Variants in OLFML2A observed in about 807,000 individuals in gnomAD.
The protein encoded by OLFML2A is olfactomedin-like protein 2A.
OLFML2A carries 47 observed loss-of-function variants against 60.9 expected under a neutral mutation model. That is an observed-to-expected ratio of 0.77 (90% CI 0.61 to 0.98). The LOEUF (loss-of-function observed/expected upper bound fraction) is 0.98. Among genes scored for constraint, OLFML2A ranks in the 50% least tolerant of loss-of-function variants. The pLI is 0.00. For missense variants in OLFML2A, 922 were observed against 879.8 expected, an observed-to-expected ratio of 1.05 and a Z score of -0.61; for synonymous variants, 372 against 375.0, an observed-to-expected ratio of 0.99 and a Z score of 0.09.
intron 4 of OLFML2A, among the ~76,000 whole-genome samples, chr9:124,799,709 G>A (rs932775644): frequency 1.3e-5 from 2 of 152,196 alleles, no homozygotes; most frequent in Non-Finnish European, 2.9e-5. Context: ...TAGGCCTGGG[G>A]ATCCTGCCAA....
In OLFML2A at chr9:124,804,308, C is replaced by G. The variant is rs75414524; in HGVS notation, c.1134C>G (p.Thr378=). 3.3e-5 allele frequency: 51 copies of G among 1,554,144 alleles called. No homozygotes were observed. Among genetic ancestry groups the G allele is most frequent in the East Asian group, 2.2e-4 (9 of 41,276 alleles). Reference sequence around the variant, plus strand: ...CCCCCACCACCAGTCTCCTGCCCACCGAGCCACCTTCAGGTCCAGAAGTCT... The same window carrying G: ...CCCCCACCACCAGTCTCCTGCCCACGGAGCCACCTTCAGGTCCAGAAGTCT... ...TPTPTTSLLP[T]EPPSGPEVSS... is the part of the protein sequence containing the mutation. The change falls in exon 6 of 8, where the codon ACC becomes ACG. Residue 378 remains threonine, a synonymous_variant. Coordinates refer to ENST00000373580, the MANE Select transcript of OLFML2A (RefSeq NM_182487.4).
intron 2 of OLFML2A, among the ~76,000 whole-genome samples, chr9:124,792,034 C>T (rs1841578696): frequency 6.6e-6 from 1 of 152,196 alleles, no homozygotes; most frequent in South Asian, 2.1e-4. Context: ...CATGTCCTTT[C>T]CTGGGCATCT....
chr9:124,807,292 C>CGCTTTTT (rs1554757483), intron 6 of OLFML2A, among the ~76,000 whole-genome samples: 1 of 86,512 alleles, frequency 1.2e-5, no homozygotes, highest in Non-Finnish European at 2.1e-5. Flanking sequence ...TTTCTCCATT[C>CGCTTTTT]TCTTTTTTTT....
At chr9:124,783,953 CAT>C (rs1170806103) in intron 1 of OLFML2A, among the ~76,000 whole-genome samples, 9 of 152,270 alleles carry the variant, frequency 5.9e-5, no homozygotes, top group East Asian at 3.9e-4. Context: ...GAGGAGGTAA[CAT>C]GTGAGCAGAG....
In OLFML2A at chr9:124,809,956, G is replaced by A. The variant is rs764113940; in HGVS notation, c.1503G>A (p.Leu501=). The change falls in exon 8 of 8, where the codon CTG becomes CTA. Residue 501 remains leucine (L), a synonymous_variant. Transcript: ENST00000373580. ...LRQRFVASWA[L]LPDVVYEDTT... Reference sequence around the variant, plus strand: ...AGCGCTTCGTGGCCTCCTGGGCGCTGCTGCCCGACGTGGTATATGAGGACA... The same window carrying A: ...AGCGCTTCGTGGCCTCCTGGGCGCTACTGCCCGACGTGGTATATGAGGACA... 2 of 1,614,184 alleles carry A rather than the reference G, an allele frequency of 1.2e-6. No homozygotes were observed. The highest frequency in any genetic ancestry group is 2.2e-5 in the South Asian group (2 of 91,080).
In OLFML2A at chr9:124,795,148, C is replaced by T. The variant is rs758884733; in HGVS notation, c.462+17C>T. ...CTGGAAGAGGTAAGGGCGGGGCTGCCGCCAGAGGCCAGGCTGCTCTGGTGC... is the reference window on the plus strand; with the variant it reads ...CTGGAAGAGGTAAGGGCGGGGCTGCTGCCAGAGGCCAGGCTGCTCTGGTGC... On this transcript the variant is annotated intron_variant, in intron 3 of 7. Transcript: ENST00000373580. 6.9e-5 allele frequency: 102 copies of T among 1,470,892 alleles called. No homozygotes were observed. In the East Asian group the frequency reaches 1.7e-3, roughly 24 times the overall value. The allele number at this position is 1,470,892 out of a possible 1,614,324, so 91.1% of individuals were successfully genotyped here.
At position 124,799,269 on chromosome 9, in the gene OLFML2A, C is replaced by T; in HGVS notation, c.463-16C>T. The T allele has an allele frequency of 6.3e-7, 1 of 1,577,482 alleles. No individual in the cohort carries two copies. Among genetic ancestry groups the T allele is most frequent in the Non-Finnish European group, 8.7e-7 (1 of 1,147,962 alleles). The stretch of plus-strand genomic sequence containing the variant: ...AGCTGGCCCAGGAAAGACCTCCAAT[C>T]CTGCCCCCTCCGCAGAGCATCAAGG... On this transcript the variant is annotated splice_polypyrimidine_tract_variant and intron_variant, in intron 3 of 7. Transcript: ENST00000373580.
chr9:124,799,365 T>A lies in OLFML2A; in HGVS notation c.543T>A (p.Tyr181Ter). The A allele has an allele frequency of 2.5e-6, 4 of 1,611,408 alleles. No homozygotes were observed. The highest frequency in any genetic ancestry group is 3.4e-6 in the Non-Finnish European group (4 of 1,177,674). The change falls in exon 4 of 8, where the codon TAT (tyrosine) becomes TAA (stop). Residue 181 changes from tyrosine to a stop codon, truncating the protein, a stop_gained. Transcript: ENST00000373580. LOFTEE classifies it high-confidence loss of function. The stretch of plus-strand genomic sequence containing the variant: ...ACCTCAGTGAGCAGTTGAGGCACTA[T>A]GAGAATCACTCTGCCATCATGCTGG... Reference protein sequence around the residue: ...VRHLSEQLRHYENHSAIMLGI... With the variant: ...VRHLSEQLRH
At chr9:124,803,712 G>A (rs1026034994) in intron 5 of OLFML2A, among the ~76,000 whole-genome samples, 3 of 152,230 alleles carry the variant, frequency 2.0e-5, no homozygotes, top group Non-Finnish European at 4.4e-5. Flanking sequence ...GGTACAAAGT[G>A]CTTGATGCAT....
intron 1 of OLFML2A, among the ~76,000 whole-genome samples, chr9:124,784,940 C>CTTTTTTTTTTTTTTT (rs1461676348): frequency 4.0e-5 from 2 of 50,052 alleles, no homozygotes; most frequent in African/African-American, 9.8e-5. Context: ...ATTCCTTTTA[C>CTTTTTTTTTTTTTTT]TTGTTTTTTT....
intron 3 of OLFML2A, among the ~76,000 whole-genome samples, chr9:124,795,801 C>A (rs1588884057): frequency 6.6e-6 from 1 of 152,132 alleles, no homozygotes; most frequent in African/African-American, 2.4e-5. Context: ...GAGTGCCCCC[C>A]CTGGGTTGGT....
At chr9:124,808,466 C>T (rs1841945642) in intron 7 of OLFML2A, among the ~76,000 whole-genome samples, 1 of 152,168 alleles carries the variant, frequency 6.6e-6, no homozygotes, top group African/African-American at 2.4e-5. Context: ...CTTATCAAAC[C>T]TGGGGAATGA....
chr9:124,797,041 T>C (rs1243613945), intron 3 of OLFML2A, among the ~76,000 whole-genome samples: 2 of 152,178 alleles, frequency 1.3e-5, no homozygotes, highest in African/African-American at 4.8e-5. Flanking sequence ...TCTCACTCTG[T>C]AGGCCAGGGT....
In OLFML2A at chr9:124,798,347, C is replaced by G. The variant is rs557358194; in HGVS notation, c.463-938C>G. Among the ~76,000 whole-genome samples the G allele has an allele frequency of 2.0e-5, 3 of 151,798 alleles. No individual in the cohort carries two copies. In the South Asian group the frequency reaches 6.3e-4, roughly 32 times the overall value. ...CGAAATCCCGTCTCTACTAAAAATACGAAAATTAGCCAGGCATGGAGGCAC... is the reference window on the plus strand; with the variant it reads ...CGAAATCCCGTCTCTACTAAAAATAGGAAAATTAGCCAGGCATGGAGGCAC... On this transcript the variant is annotated intron_variant, in intron 3 of 7. Coordinates refer to ENST00000373580, the MANE Select transcript of OLFML2A (RefSeq NM_182487.4).
chr9:124,801,091 G>A (rs1841766011), intron 4 of OLFML2A: 1 of 1,541,726 alleles, frequency 6.5e-7, no homozygotes, highest in Non-Finnish European at 8.8e-7. Flanking sequence ...AGGTGGAGGA[G>A]GCTGCCTCCC....
At chr9:124,802,164 T>G (rs1018083634) in intron 5 of OLFML2A, among the ~76,000 whole-genome samples, 5 of 152,034 alleles carry the variant, frequency 3.3e-5, no homozygotes, top group African/African-American at 1.2e-4. Flanking sequence ...GCCCACAGAC[T>G]CTTGTATTTT....
rs1842021797 is a variant in OLFML2A, at chr9:124,811,555, T to A, written c.*1143T>A. 1 of 152,370 alleles carries A rather than the reference T, an allele frequency of 6.6e-6. No individual in the cohort carries two copies. The highest frequency in any genetic ancestry group is 2.1e-4 in the South Asian group (1 of 4,824). The allele number at this position is 152,370 out of a possible 1,614,324, so 9.4% of individuals were successfully genotyped here. On this transcript the variant is annotated 3_prime_UTR_variant, in exon 8 of 8. Transcript: ENST00000373580. Reference sequence around the variant, plus strand: ...CCTGGGGGCTGCAGAAGACATGGTGTGAGTAGTTGGGTCCAGGGGAGGCAT... The same window carrying A: ...CCTGGGGGCTGCAGAAGACATGGTGAGAGTAGTTGGGTCCAGGGGAGGCAT...
chr9:124,807,294 C>CT lies in OLFML2A; in HGVS notation c.1169-475dup, dbSNP rs56823893. Among the ~76,000 whole-genome samples, 1,337 of 136,082 alleles carry CT rather than the reference C, an allele frequency of 9.8e-3. 26 individuals are homozygous for CT. Among genetic ancestry groups the CT allele is most frequent in the Non-Finnish European group, 9.8e-3 (636 of 64,624 alleles). 89.3% of individuals were successfully genotyped at this position (136,082 alleles called of 152,430 possible). ...TGAAGATTTTTATTTTCTCCATTCT[C>CT]TTTTTTTTTTTTGAGAAGAGTTTCA... On this transcript the variant is annotated intron_variant, in intron 6 of 7. Coordinates refer to ENST00000373580, the MANE Select transcript of OLFML2A (RefSeq NM_182487.4).
At position 124,779,069 on chromosome 9, in the gene OLFML2A, C is replaced by A; in HGVS notation, c.90+1709C>A. On this transcript the variant is annotated intron_variant, in intron 1 of 7. Transcript: ENST00000373580. The surrounding 1 kb of genome is among the most constrained non-coding windows in gnomAD (Gnocchi z 4.1). ...ATGAAAGCACCCACGTACAACGCTG[C>A]TCATGTACTCCAGAGACAAGGAGGG... 1 of 373,638 alleles carries A rather than the reference C, an allele frequency of 2.7e-6. No individual in the cohort carries two copies. The highest frequency in any genetic ancestry group is 3.7e-6 in the Non-Finnish European group (1 of 270,974). The allele number at this position is 373,638 out of a possible 1,614,324, so 23.1% of individuals were successfully genotyped here.
Sources: allele counts gnomAD v4.1 joint callset (sites outside exome capture counted in the v4.1 genomes callset), GRCh38; gene constraint gnomAD v4.1.1; non-coding constraint Gnocchi (gnomAD v3.1); transcripts MANE v1.5; gene names NCBI Gene and HGNC (gene_info 2026-07-23, HGNC 2026-07-21).